The following VRK2 variants were observed in gnomAD, a reference collection of about 807,000 sequenced individuals.
The protein encoded by VRK2 is serine/threonine-protein kinase VRK2.
A neutral mutation model predicts 57.6 loss-of-function variants in VRK2; 60 were observed. The observed-to-expected ratio is 1.04, with a 90% CI of 0.85 to 1.29. The LOEUF is 1.29. Among genes scored for constraint, VRK2 ranks in the 50% most tolerant of loss-of-function variants. VRK2 has a pLI of 0.00. For missense variants in VRK2, 705 were observed against 588.1 expected (o/e 1.20, Z -2.06); for synonymous variants, 231 against 199.2 (o/e 1.16, Z -1.35).
At chr2:58,131,993 T>C (rs1324276230) in intron 9 of VRK2, 65 bp downstream of exon 9, 2 of 1,584,856 alleles carry the variant, frequency 1.3e-6, no homozygotes, top group Admixed American at 1.8e-5. Context: ...TAAAGGGAGC[T>C]AACAACACAG....
At chr2:57,915,269 CAT>C (rs1670109251) in intron 1 of VRK2, among the ~76,000 whole-genome samples, 1 of 152,094 alleles carries the variant, frequency 6.6e-6, no homozygotes, top group South Asian at 2.1e-4. Context: ...GTGAACTACA[CAT>C]GATTCTACAT....
chr2:57,935,766 G>A (rs193114696), intron 1 of VRK2, among the ~76,000 whole-genome samples: 2 of 152,282 alleles, frequency 1.3e-5, no homozygotes, highest in Non-Finnish European at 2.9e-5. Context: ...GAGGAACAAG[G>A]TGCTCCCTCA....
chr2:58,078,089 C>T (rs1185589410), intron 2 of VRK2, among the ~76,000 whole-genome samples: 1 of 152,032 alleles, frequency 6.6e-6, no homozygotes, highest in African/African-American at 2.4e-5. Flanking sequence ...TGCAGCAGAT[C>T]TCCAGAATGT....
intron 1 of VRK2, among the ~76,000 whole-genome samples, chr2:57,921,875 G>A (rs1206158538): frequency 1.3e-5 from 2 of 151,914 alleles, no homozygotes; most frequent in African/African-American, 2.4e-5. Flanking sequence ...TGTTTCTTTC[G>A]CTTCAAGTCT....
At chr2:57,945,287 T>G (rs1157473966) in intron 1 of VRK2, among the ~76,000 whole-genome samples, 2 of 152,178 alleles carry the variant, frequency 1.3e-5, no homozygotes, top group East Asian at 3.8e-4. Context: ...TGTATGTGCC[T>G]CCTTAAATTT....
rs774844284 is a variant in VRK2, at chr2:58,134,617, C to CAAAAAAACAAAACAAA, written c.798-517_798-516insCAAAACAAAAAAAAAA. 3.3e-3 allele frequency among the ~76,000 whole-genome samples: 242 copies of CAAAAAAACAAAACAAA among 73,052 alleles called. 2 individuals carry two copies. The highest frequency in any genetic ancestry group is 0.026 in the Middle Eastern group (3 of 114). 47.9% of individuals were successfully genotyped at this position (73,052 alleles called of 152,430 possible). ...TGGGCGACAGAGCGAGACTCCGTCT[C>CAAAAAAACAAAACAAA]AAAAAAAAAAAAAAAAAAAAGAATA... On this transcript the variant is annotated intron_variant, in intron 9 of 12. Coordinates refer to ENST00000340157, the MANE Select transcript of VRK2 (RefSeq NM_006296.7).
intron 2 of VRK2, among the ~76,000 whole-genome samples, chr2:58,029,331 T>C (rs1477928572): frequency 1.3e-5 from 2 of 152,116 alleles, no homozygotes; most frequent in East Asian, 3.9e-4. Context: ...TCCACCATTC[T>C]TTTCTGTCTT....
At chr2:58,103,911 T>G (rs1271585241) in intron 7 of VRK2, among the ~76,000 whole-genome samples, 3 of 151,838 alleles carry the variant, frequency 2.0e-5, no homozygotes, top group African/African-American at 7.2e-5. Context: ...CAAATAGGTT[T>G]CATTCCAGGG....
At chr2:58,075,339 A>C (rs969270211) in intron 2 of VRK2, among the ~76,000 whole-genome samples, 3 of 152,102 alleles carry the variant, frequency 2.0e-5, no homozygotes, top group African/African-American at 4.8e-5. Context: ...ATGGTGCTGC[A>C]ATGAACATTC....
At chr2:57,971,629 G>T (rs1672101270) in intron 1 of VRK2, among the ~76,000 whole-genome samples, 1 of 151,424 alleles carries the variant, frequency 6.6e-6, no homozygotes, top group South Asian at 2.1e-4. Context: ...ATATTCCTCT[G>T]GGAGGCTCAC....
At chr2:58,132,354 C>T (rs1393844118) in intron 9 of VRK2, among the ~76,000 whole-genome samples, 1 of 152,098 alleles carries the variant, frequency 6.6e-6, no homozygotes, top group Non-Finnish European at 1.5e-5. Context: ...GAGCAACATA[C>T]CTCTTATTTC....
chr2:58,023,749 T>C (rs1361189692), intron 1 of VRK2, among the ~76,000 whole-genome samples: 1 of 152,120 alleles, frequency 6.6e-6, no homozygotes, highest in Non-Finnish European at 1.5e-5. Flanking sequence ...AGATTTCTGT[T>C]TCTAGGCCTT....
At chr2:57,918,854 T>C (rs993026239) in intron 1 of VRK2, among the ~76,000 whole-genome samples, 7 of 152,120 alleles carry the variant, frequency 4.6e-5, no homozygotes, top group African/African-American at 1.7e-4. Context: ...TCCTGATCCT[T>C]CTTGATAAAA....
chr2:58,042,394 T>G (rs1170112966), upstream of VRK2, among the ~76,000 whole-genome samples: 1 of 152,174 alleles, frequency 6.6e-6, no homozygotes, highest in Non-Finnish European at 1.5e-5. Context: ...TGCTTAGCTG[T>G]TTAGAGATTG....
intron 1 of VRK2, among the ~76,000 whole-genome samples, chr2:57,913,787 TC>T (rs1670064164): frequency 6.6e-6 from 1 of 152,142 alleles, no homozygotes; most frequent in East Asian, 1.9e-4. Context: ...TGGATTTTTT[TC>T]ATGCCAAACT....
At chr2:58,008,483 G>A (rs1227748976) in intron 1 of VRK2, among the ~76,000 whole-genome samples, 3 of 151,772 alleles carry the variant, frequency 2.0e-5, no homozygotes, top group Admixed American at 6.6e-5. Flanking sequence ...AATGCCTAAT[G>A]TCTATTTAAA....
chr2:58,120,184 C>CTTTCT (rs1677215194), intron 7 of VRK2, among the ~76,000 whole-genome samples: 1 of 51,988 alleles, frequency 1.9e-5, no homozygotes, highest in African/African-American at 1.0e-4. Context: ...TTTTTCTTTT[C>CTTTCT]TTTTTTTTTT....
intron 1 of VRK2, among the ~76,000 whole-genome samples, chr2:57,999,208 T>C (rs1673014324): frequency 6.6e-6 from 1 of 152,190 alleles, no homozygotes; most frequent in Admixed American, 6.6e-5. Flanking sequence ...TTGTGCAGTA[T>C]TTTGGATCTT....
At chr2:57,979,677 T>C (rs1672362202) in intron 1 of VRK2, among the ~76,000 whole-genome samples, 1 of 152,176 alleles carries the variant, frequency 6.6e-6, no homozygotes, top group African/African-American at 2.4e-5. Flanking sequence ...TCCAGGGATT[T>C]CTCTGGTTGG....
Sources: gnomAD v4.1 joint callset for allele counts (sites outside exome capture counted in the v4.1 genomes callset) on GRCh38, gnomAD v4.1.1 for gene constraint, MANE v1.5 for transcripts, NCBI Gene and HGNC (gene_info 2026-07-23, HGNC 2026-07-21) for gene names.